WBP11: variants seen among roughly 807,000 people sequenced by gnomAD.
WBP11 encodes WW domain-binding protein 11.
Under a neutral mutation model 66.7 loss-of-function variants are expected in WBP11, and 12 were observed. The observed-to-expected ratio is 0.18, with a 90% CI of 0.12 to 0.29. The LOEUF (loss-of-function observed/expected upper bound fraction) is 0.29, where lower values mean the gene tolerates loss of function less well. Ranked by LOEUF, WBP11 falls within the 10% of genes least tolerant of loss-of-function variation. The probability of loss-of-function intolerance (pLI) is 1.00; values close to 1 mark genes in which losing one functional copy is unlikely to be tolerated. For synonymous variants in WBP11, 255 were observed against 273.8 expected (o/e 0.93, Z 0.68); for missense variants, 555 against 818.3 (o/e 0.68, Z 3.93).
At chr12:14,788,881 G>A (rs1350828779) in intron 11 of WBP11, 70 bp downstream of exon 11, 2 of 832,654 alleles carry the variant, frequency 2.4e-6, no homozygotes, top group Non-Finnish European at 3.5e-6. Flanking sequence ...ACTGAAATGT[G>A]ACCATATGTC....
chr12:14,799,550 T>A (rs367722637), intron 4 of WBP11, 85 bp downstream of exon 4: 21 of 1,248,486 alleles, frequency 1.7e-5, no homozygotes, highest in Non-Finnish European at 2.2e-5. Flanking sequence ...TGTTCTGTTT[T>A]ACTTACGCCT....
intron 9 of WBP11, 82 bp from the exon 10 acceptor site, chr12:14,790,831 G>A: frequency 1.5e-6 from 2 of 1,292,964 alleles, no homozygotes; most frequent in Non-Finnish European, 2.1e-6. Flanking sequence ...AATACACATG[G>A]TTAATAAATG....
In WBP11 at chr12:14,799,739, T is replaced by TA. The variant is rs758459119; in HGVS notation, c.97-12dup. 3.7e-6 allele frequency: 6 copies of TA among 1,610,530 alleles called. No homozygotes were observed. The African/African-American group carries it at 8.0e-5, about 22-fold the overall frequency. On this transcript the variant is annotated splice_polypyrimidine_tract_variant and intron_variant, in intron 3 of 11. Transcript: ENST00000261167. ...GCGCTGTTTTTTGTTCTTAGAAAAA[T>TA]AAAAGGGCAGATGTCAAGAAGTCAG...
At chr12:14,803,006 C>G (rs1949986717) in intron 1 of WBP11, among the ~76,000 whole-genome samples, 1 of 152,194 alleles carries the variant, frequency 6.6e-6, no homozygotes, top group Non-Finnish European at 1.5e-5. Flanking sequence ...GCCAAAGAAG[C>G]TTCAATGGGA....
In WBP11 at chr12:14,787,096, G is replaced by T; in HGVS notation, c.1895C>A (p.Ala632Asp). 1 of 1,613,570 alleles carries T rather than the reference G, an allele frequency of 6.2e-7. No homozygotes were observed. ...SVQTKDDVYE[A>D]FMKEMEGLL The stretch of plus-strand genomic sequence containing the variant: ...TAGCCCTTCCATCTCTTTCATGAAA[G>T]CCTCATAGACATCATCCTTAGTTTG... The change falls in exon 12 of 12, where the codon GCT (alanine) becomes GAT (aspartate). Residue 632 changes from alanine (A) to aspartate (D), a missense_variant. Physicochemically the swap from Ala to Asp is moderately radical, Grantham distance 126 (BLOSUM62 -2). This residue lies in a region of WBP11 where 50 missense variants were observed against 68.3 expected (regional missense o/e 0.73). Transcript: ENST00000261167.
chr12:14,787,806 G>A (rs1279705480), intron 11 of WBP11, among the ~76,000 whole-genome samples: 2 of 152,154 alleles, frequency 1.3e-5, no homozygotes, highest in African/African-American at 4.8e-5. Flanking sequence ...ACATCCCAAG[G>A]TTCTATTCCA....
chr12:14,787,218 C>T lies in WBP11; in HGVS notation c.1773G>A (p.Gly591=). 6.2e-7 allele frequency: 1 copy of T among 1,614,098 alleles called. No individual in the cohort carries two copies. Among genetic ancestry groups the T allele is most frequent in the Non-Finnish European group, 8.5e-7 (1 of 1,180,036 alleles). The change falls in exon 12 of 12, where the codon GGG becomes GGA. Residue 591 remains glycine (G), a synonymous_variant. Transcript: ENST00000261167. ...TALRVRRENK[G]ATAAPQRKSE... ...ACTTTCTTTGGGGAGCAGCAGTAGC[C>T]CCTTTATTCTCCCGACGTACTCTCA...
In WBP11 at chr12:14,796,950, G is replaced by A. The variant is rs775010146; in HGVS notation, c.244C>T (p.Arg82Cys). Reference sequence around the variant, plus strand: ...TCAAAGGTTTCACGCAGCTTTTTACGCTTGTCTTTCAGTACTTTCTCATTT... The same window carrying A: ...TCAAAGGTTTCACGCAGCTTTTTACACTTGTCTTTCAGTACTTTCTCATTT... Reference protein sequence around the residue: ...QLNEKVLKDKRKKLRETFERI... With the variant: ...QLNEKVLKDKCKKLRETFERI... Residue 82 changes from arginine (R) to cysteine (C), a missense_variant, in exon 5 of 12, where the codon CGT (arginine) becomes TGT (cysteine). This residue lies in a region of WBP11 where 43 missense variants were observed against 142.1 expected (regional missense o/e 0.30). Transcript: ENST00000261167. This position sits in a 1 kb window ranked among gnomAD's most constrained non-coding sequence, Gnocchi z 4.5. 2 of 1,609,438 alleles carry A rather than the reference G, an allele frequency of 1.2e-6. No homozygotes were observed. Among genetic ancestry groups the A allele is most frequent in the East Asian group, 2.2e-5 (1 of 44,764 alleles).
chr12:14,799,583 C>T, intron 4 of WBP11, 52 bp downstream of exon 4: 2 of 1,552,120 alleles, frequency 1.3e-6, no homozygotes, highest in Non-Finnish European at 1.8e-6. Flanking sequence ...TCGTTACCTG[C>T]CTGCCTCTGT....
Position 14,795,001 on chromosome 12 carries a change from G to A in WBP11, c.491C>T (p.Pro164Leu). The A allele has an allele frequency of 6.2e-7, 1 of 1,612,366 alleles. No homozygotes were observed. The highest frequency in any genetic ancestry group is 8.5e-7 in the Non-Finnish European group (1 of 1,180,018). ...GGCTGAGGTTTTCTTTAGGATAGAG[G>A]GTGGCTGGGCACCAGGAAGTGGAAT... ...QDIPLPGAQP[P>L]SILKKTSAYG... Residue 164 changes from proline (P) to leucine (L), a missense_variant, in exon 6 of 12, where the codon CCC (proline) becomes CTC (leucine). Around this residue, in one of 6 missense-constraint regions of WBP11, gnomAD observed 220 missense variants for 268.2 expected, o/e 0.82. Coordinates refer to ENST00000261167, the MANE Select transcript of WBP11 (RefSeq NM_016312.3).
At position 14,801,309 on chromosome 12, in the gene WBP11, T is replaced by A; in HGVS notation, c.64+11A>T. The stretch of plus-strand genomic sequence containing the variant: ...CTCCTACTTCATCATTCCACACTAA[T>A]GGACACTTACGGGCTTGGTCTGTGG... On this transcript the variant is annotated intron_variant, in intron 2 of 11. Coordinates refer to ENST00000261167, the MANE Select transcript of WBP11 (RefSeq NM_016312.3). The A allele has an allele frequency of 6.2e-7, 1 of 1,613,094 alleles. No individual in the cohort carries two copies. The highest frequency in any genetic ancestry group is 8.5e-7 in the Non-Finnish European group (1 of 1,179,234).
At chr12:14,800,221 A>G (rs539232288) in intron 3 of WBP11, among the ~76,000 whole-genome samples, 1 of 152,218 alleles carries the variant, frequency 6.6e-6, no homozygotes, top group African/African-American at 2.4e-5. Flanking sequence ...ATAATACTAT[A>G]AAGCACAATA....
At chr12:14,789,216 T>A in intron 10 of WBP11, 83 bp from the exon 11 acceptor site, 2 of 1,277,598 alleles carry the variant, frequency 1.6e-6, no homozygotes, top group Non-Finnish European at 2.1e-6. Context: ...TCAAATATGG[T>A]TTGACTTTAA....
In WBP11 at chr12:14,790,724, C is replaced by A; in HGVS notation, c.1041G>T (p.Arg347=). 1 of 1,613,922 alleles carries A rather than the reference C, an allele frequency of 6.2e-7. No homozygotes were observed. Among genetic ancestry groups the A allele is most frequent in the Non-Finnish European group, 8.5e-7 (1 of 1,179,890 alleles). Residue 347 remains arginine, a synonymous_variant, in exon 10 of 12, where the codon CGG becomes CGT. Coordinates refer to ENST00000261167, the MANE Select transcript of WBP11 (RefSeq NM_016312.3). ...CGTCCTCTGAAAATTCCTCTACTTC[C>A]CGTCCCTCCTCAGGGATTTCTTGAC... ...MAGQEIPEEG[R]EVEEFSEDDD... is the part of the protein sequence containing the mutation.
intron 9 of WBP11, 32 bp from the exon 10 acceptor site, chr12:14,790,781 T>G (rs761349382): frequency 2.6e-5 from 41 of 1,581,472 alleles, no homozygotes; most frequent in Non-Finnish European, 3.4e-5. Context: ...GTAAATGGAG[T>G]TGATTCATTT....
rs776947341 is a variant in WBP11, at chr12:14,790,768, C to T, written c.1016-19G>A. 6.2e-7 allele frequency: 1 copy of T among 1,603,362 alleles called. No homozygotes were observed. Among genetic ancestry groups the T allele is most frequent in the Non-Finnish European group, 8.5e-7 (1 of 1,174,470 alleles). On this transcript the variant is annotated intron_variant, in intron 9 of 11. Coordinates refer to ENST00000261167, the MANE Select transcript of WBP11 (RefSeq NM_016312.3). The stretch of plus-strand genomic sequence containing the variant: ...TCTTGACCTGAAAGAAATTTTAAAC[C>T]CAGTAAATGGAGTTGATTCATTTTC...
At position 14,795,093 on chromosome 12, in the gene WBP11, A is replaced by G. The variant is rs770220685; in HGVS notation, c.399T>C (p.His133=). The change falls in exon 6 of 12, where the codon CAT becomes CAC. Residue 133 remains histidine, a synonymous_variant. Transcript: ENST00000261167. ...QYFDAVKNAQ[H]VEVESIPLPD... ...GCAAAGGAATACTCTCCACTTCCACATGCTGAGCATTCTGAAACAGAGAAC... is the reference window on the plus strand; with the variant it reads ...GCAAAGGAATACTCTCCACTTCCACGTGCTGAGCATTCTGAAACAGAGAAC... 13 of 1,605,768 alleles carry G rather than the reference A, an allele frequency of 8.1e-6. No homozygotes were observed. Among genetic ancestry groups the G allele is most frequent in the Non-Finnish European group, 1.1e-5 (13 of 1,177,072 alleles).
At chr12:14,801,868 A>C (rs1949968241) in intron 1 of WBP11, 1 of 157,842 alleles carries the variant, frequency 6.3e-6, no homozygotes, top group Non-Finnish European at 1.4e-5. Flanking sequence ...TCTAGGCTCA[A>C]AACACATACC....
Position 14,796,698 on chromosome 12 carries a change from A to G in WBP11, c.387+109T>C. On this transcript the variant is annotated intron_variant, in intron 5 of 11. Transcript: ENST00000261167. This position sits in a 1 kb window ranked among gnomAD's most constrained non-coding sequence, Gnocchi z 4.5. ...AAAAACAAAACAAAATATAAAAAAA[A>G]CCCAACAACCCTAAATCCAAAACAC... The G allele has an allele frequency of 2.8e-6, 3 of 1,052,742 alleles. No homozygotes were observed. The highest frequency in any genetic ancestry group is 3.9e-6 in the Non-Finnish European group (3 of 763,986). 65.2% of individuals were successfully genotyped at this position (1,052,742 alleles called of 1,614,324 possible). A position where few individuals can be genotyped will look rare whatever the true frequency, so the allele number is the denominator to read the frequency against.
Sources: allele counts gnomAD v4.1 joint callset (sites outside exome capture counted in the v4.1 genomes callset), GRCh38; gene constraint gnomAD v4.1.1; regional missense constraint gnomAD v4.1.1; non-coding constraint Gnocchi (gnomAD v3.1); transcripts MANE v1.5; gene names NCBI Gene and HGNC (gene_info 2026-07-23, HGNC 2026-07-21).